AGAP1: variants seen among roughly 807,000 people sequenced by gnomAD.
AGAP1 encodes ArfGAP with GTPase domain, ankyrin repeat and PH domain 1, also known as arf-GAP with GTPase, ANK repeat and PH domain-containing protein 1.
In AGAP1, 29 loss-of-function variants were observed where a neutral mutation model predicts 105.3. The ratio of observed to expected loss-of-function variants is 0.28; its 90% CI spans 0.21 to 0.38. The LOEUF is 0.38. AGAP1 is among the 10% of genes least tolerant of loss of function. The probability of loss-of-function intolerance (pLI) is 1.00; values close to 1 mark genes in which losing one functional copy is unlikely to be tolerated. For synonymous variants in AGAP1, 509 were observed against 485.9 expected (o/e 1.05, Z -0.63); for missense variants, 998 against 1,165.1 (o/e 0.86, Z 2.09).
chr2:235,977,807 A>G lies in AGAP1; in HGVS notation c.1645+9184A>G, dbSNP rs1232518877. Among the ~76,000 whole-genome samples the G allele has an allele frequency of 1.3e-5, 2 of 152,192 alleles. No homozygotes were observed. Among genetic ancestry groups the G allele is most frequent in the Non-Finnish European group, 2.9e-5 (2 of 68,032 alleles). ...AGTCTGTGTGGAAGCAACTTGGCAA[A>G]TGGGGAGGATGAAATAAAATTGCAC... On this transcript the variant is annotated intron_variant, in intron 13 of 17. Coordinates refer to ENST00000304032, the MANE Select transcript of AGAP1 (RefSeq NM_001037131.3). This position sits in a 1 kb window ranked among gnomAD's most constrained non-coding sequence, Gnocchi z 5.2.
chr2:235,670,032 C>T (rs1307022334), intron 1 of AGAP1: 1 of 354,494 alleles, frequency 2.8e-6, no homozygotes, highest in East Asian at 4.6e-5. Flanking sequence ...CTGCCCTCCC[C>T]GCTTGGCCCG....
Position 235,632,680 on chromosome 2 carries a change from G to A in AGAP1, c.164-76499G>A, listed in dbSNP as rs187592353. The stretch of plus-strand genomic sequence containing the variant: ...CTAGCTCCACCTGGCCTCCCTCTGG[G>A]GACCACGGTTCTGTCACCTCTCCTG... On this transcript the variant is annotated intron_variant, in intron 1 of 17. Coordinates refer to ENST00000304032, the MANE Select transcript of AGAP1 (RefSeq NM_001037131.3). 2.6e-5 allele frequency among the ~76,000 whole-genome samples: 4 copies of A among 152,244 alleles called. No individual in the cohort carries two copies. In the East Asian group the frequency reaches 7.7e-4, roughly 29 times the overall value.
In AGAP1 at chr2:235,888,654, A is replaced by C. The variant is rs772007361; in HGVS notation, c.1155+5205A>C. On this transcript the variant is annotated intron_variant, in intron 10 of 17. Coordinates refer to ENST00000304032, the MANE Select transcript of AGAP1 (RefSeq NM_001037131.3). This position sits in a 1 kb window ranked among gnomAD's most constrained non-coding sequence, Gnocchi z 4.8. The stretch of plus-strand genomic sequence containing the variant: ...GGAGGTCAGGGCTTCACAGTGAGCT[A>C]TGATCGTGCCACTGCACTCCAGCTT... Among the ~76,000 whole-genome samples the C allele has an allele frequency of 2.0e-5, 3 of 151,840 alleles. No individual in the cohort carries two copies.
At chr2:235,508,822 C>T (rs537760524) in intron 1 of AGAP1, among the ~76,000 whole-genome samples, 1 of 152,312 alleles carries the variant, frequency 6.6e-6, no homozygotes, top group Admixed American at 6.5e-5. Flanking sequence ...TACTTTCCCC[C>T]TGTGCTGTAA....
intron 8 of AGAP1, among the ~76,000 whole-genome samples, chr2:235,806,342 G>A (rs1392922534): frequency 6.6e-6 from 1 of 152,198 alleles, no homozygotes; most frequent in African/African-American, 2.4e-5. Context: ...TTATTAAGGA[G>A]GACGAGTCTC....
intron 9 of AGAP1, among the ~76,000 whole-genome samples, chr2:235,833,405 A>AT (rs914401351): frequency 3.9e-5 from 6 of 152,180 alleles, no homozygotes; most frequent in African/African-American, 1.4e-4. Context: ...TCACCCCTTA[A>AT]TGCCAGTACT....
chr2:235,588,614 C>A (rs1945213306), intron 1 of AGAP1, among the ~76,000 whole-genome samples: 1 of 152,108 alleles, frequency 6.6e-6, no homozygotes, highest in Non-Finnish European at 1.5e-5. Context: ...GAAATTATAC[C>A]ATATTCATTT....
At chr2:235,969,178 A>G (rs2054533147) in intron 13 of AGAP1, among the ~76,000 whole-genome samples, 1 of 151,802 alleles carries the variant, frequency 6.6e-6, no homozygotes, top group Non-Finnish European at 1.5e-5. Context: ...GTCTCCTTTC[A>G]CCTGAGTGCT....
At chr2:236,010,044 G>C (rs934352621) in intron 13 of AGAP1, among the ~76,000 whole-genome samples, 2 of 151,524 alleles carry the variant, frequency 1.3e-5, no homozygotes, top group Non-Finnish European at 2.9e-5. Context: ...CCAGTCAAAA[G>C]AGTCTCAGTT....
rs1553585583 is a variant in AGAP1 at position 235,620,897 on chromosome 2, T to G, written c.164-88282T>G. On this transcript the variant is annotated intron_variant, in intron 1 of 17. Transcript: ENST00000304032. This position sits in a 1 kb window ranked among gnomAD's most constrained non-coding sequence, Gnocchi z 4.5. Reference sequence around the variant, plus strand: ...CCTACAGCTTTTATTGGTGACAAGTTCTTGACTCCCCATCACCTCTGATGG... The same window carrying G: ...CCTACAGCTTTTATTGGTGACAAGTGCTTGACTCCCCATCACCTCTGATGG... Among the ~76,000 whole-genome samples, 1 of 152,194 alleles carries G rather than the reference T, an allele frequency of 6.6e-6. No homozygotes were observed. Among genetic ancestry groups the G allele is most frequent in the Non-Finnish European group, 1.5e-5 (1 of 68,036 alleles).
Position 235,842,322 on chromosome 2 carries a change from G to A in AGAP1, c.1050+34991G>A, listed in dbSNP as rs1011089872. 6.6e-6 allele frequency among the ~76,000 whole-genome samples: 1 copy of A among 152,202 alleles called. No homozygotes were observed. Among genetic ancestry groups the A allele is most frequent in the South Asian group, 2.1e-4 (1 of 4,832 alleles). Reference sequence around the variant, plus strand: ...TCCTTCAGATATGAATGTAGGCAACGATCCACAGTGGTGTTTTGTTAGCAG... The same window carrying A: ...TCCTTCAGATATGAATGTAGGCAACAATCCACAGTGGTGTTTTGTTAGCAG... On this transcript the variant is annotated intron_variant, in intron 9 of 17. Coordinates refer to ENST00000304032, the MANE Select transcript of AGAP1 (RefSeq NM_001037131.3). The surrounding 1 kb of genome is among the most constrained non-coding windows in gnomAD (Gnocchi z 5.3).
rs978651341 is a variant in AGAP1, at chr2:235,665,722, G to A, written c.164-43457G>A. On this transcript the variant is annotated intron_variant, in intron 1 of 17. Transcript: ENST00000304032. This position sits in a 1 kb window ranked among gnomAD's most constrained non-coding sequence, Gnocchi z 5.3. ...GTACCCACGGAGGGGCTCTTGGTGGGCTCCCGGGGTGGGCATGCTCAGGCC... is the reference window on the plus strand; with the variant it reads ...GTACCCACGGAGGGGCTCTTGGTGGACTCCCGGGGTGGGCATGCTCAGGCC... Among the ~76,000 whole-genome samples the A allele has an allele frequency of 1.3e-5, 2 of 152,104 alleles. No individual in the cohort carries two copies. The highest frequency in any genetic ancestry group is 4.8e-5 in the African/African-American group (2 of 41,400).
rs1302619257 is a variant in AGAP1 at position 235,801,290 on chromosome 2, T to C, written c.957+1768T>C. On this transcript the variant is annotated intron_variant, in intron 8 of 17. Transcript: ENST00000304032. The surrounding 1 kb of genome is among the most constrained non-coding windows in gnomAD (Gnocchi z 6.0). ...GCTGGAAACCATAGTACTTCTGCAG[T>C]GGGGCTTCCGGGAAGACTTCCTGGA... Among the ~76,000 whole-genome samples, 2 of 152,144 alleles carry C rather than the reference T, an allele frequency of 1.3e-5. No individual in the cohort carries two copies. The highest frequency in any genetic ancestry group is 2.4e-5 in the African/African-American group (1 of 41,440).
At chr2:236,007,106 G>A (rs1206441899) in intron 13 of AGAP1, among the ~76,000 whole-genome samples, 1 of 152,154 alleles carries the variant, frequency 6.6e-6, no homozygotes, top group Admixed American at 6.5e-5. Context: ...ATAATAGCAA[G>A]AAGAGCCCAA....
chr2:235,508,301 G>A (rs1941921010), intron 1 of AGAP1, among the ~76,000 whole-genome samples: 1 of 152,194 alleles, frequency 6.6e-6, no homozygotes, highest in African/African-American at 2.4e-5. Flanking sequence ...TCCTTCAGGT[G>A]TGTACCAAGT....
At position 235,977,181 on chromosome 2, in the gene AGAP1, G is replaced by C. The variant is rs1386930739; in HGVS notation, c.1645+8558G>C. On this transcript the variant is annotated intron_variant, in intron 13 of 17. Transcript: ENST00000304032. The surrounding 1 kb of genome is among the most constrained non-coding windows in gnomAD (Gnocchi z 5.2). ...ACCGTGTTTTCCTGTGTGCACCCTG[G>C]GATTGGAATTCGGGCTAGCTTGGGA... 6.6e-6 allele frequency among the ~76,000 whole-genome samples: 1 copy of C among 152,102 alleles called. No individual in the cohort carries two copies. The highest frequency in any genetic ancestry group is 1.5e-5 in the Non-Finnish European group (1 of 68,020).
intron 15 of AGAP1, 66 bp from the exon 16 acceptor site, chr2:236,048,993 C>T: frequency 6.8e-7 from 1 of 1,463,726 alleles, no homozygotes; most frequent in South Asian, 1.2e-5. Flanking sequence ...CCTTGTGTTT[C>T]TAAGAACGGT....
In AGAP1 at chr2:236,000,390, C is replaced by G. The variant is rs913173906; in HGVS notation, c.1645+31767C>G. 1.3e-5 allele frequency among the ~76,000 whole-genome samples: 2 copies of G among 152,200 alleles called. No individual in the cohort carries two copies. The highest frequency in any genetic ancestry group is 3.8e-4 in the East Asian group (2 of 5,200). On this transcript the variant is annotated intron_variant, in intron 13 of 17. Transcript: ENST00000304032. The surrounding 1 kb of genome is among the most constrained non-coding windows in gnomAD (Gnocchi z 4.3). ...CACATTTCCAAGAACCTGTCAATGGCATTGAGGACTTTCTGTACAAAAATC... is the reference window on the plus strand; with the variant it reads ...CACATTTCCAAGAACCTGTCAATGGGATTGAGGACTTTCTGTACAAAAATC...
At chr2:235,804,785 G>T (rs749363978) in intron 8 of AGAP1, among the ~76,000 whole-genome samples, 9 of 152,354 alleles carry the variant, frequency 5.9e-5, no homozygotes, top group South Asian at 4.1e-4. Flanking sequence ...AAAATCTGCA[G>T]CCCTTCTGGG....
Sources: allele counts gnomAD v4.1 joint callset (sites outside exome capture counted in the v4.1 genomes callset), GRCh38; gene constraint gnomAD v4.1.1; non-coding constraint Gnocchi (gnomAD v3.1); transcripts MANE v1.5; gene names NCBI Gene and HGNC (gene_info 2026-07-23, HGNC 2026-07-21).